Variants in PRDM16 observed in about 807,000 individuals in gnomAD.
The protein encoded by PRDM16 is histone-lysine N-methyltransferase PRDM16.
Under a neutral mutation model 110.6 loss-of-function variants are expected in PRDM16, and 23 were observed. The observed-to-expected ratio is 0.21, with a 90% confidence interval of 0.15 to 0.29. The LOEUF is 0.29. Ranked by LOEUF, PRDM16 falls within the 10% of genes least tolerant of loss-of-function variation. The probability of loss-of-function intolerance (pLI) is 1.00; values close to 1 mark genes in which losing one functional copy is unlikely to be tolerated. For synonymous variants in PRDM16, 799 were observed against 781.8 expected (o/e 1.02, Z -0.37); for missense variants, 1,615 against 1,794.3 (o/e 0.90, Z 1.81).
At chr1:3,154,754 G>A (rs1334694745) in intron 1 of PRDM16, among the ~76,000 whole-genome samples, 1 of 152,214 alleles carries the variant, frequency 6.6e-6, no homozygotes, top group Non-Finnish European at 1.5e-5. Flanking sequence ...TGACCCCCAG[G>A]CCGTTCTCAC....
At chr1:3,181,384 ACGGCCTTACGCATGGTCTTACACACG>A (rs1557508940) in intron 1 of PRDM16, among the ~76,000 whole-genome samples, 3 of 14,694 alleles carry the variant, frequency 2.0e-4, no homozygotes, top group Admixed American at 1.1e-3. Flanking sequence ...AGTCTTACAC[ACGGCCTTACGCATGGTCTTACACACG>A]CAGTCTTACA....
At chr1:3,388,726 T>C (rs1332258492) in intron 4 of PRDM16, among the ~76,000 whole-genome samples, 1 of 152,170 alleles carries the variant, frequency 6.6e-6, no homozygotes, top group Non-Finnish European at 1.5e-5. Flanking sequence ...AAGCAAACTC[T>C]GGGGCCTGGC....
In PRDM16 at chr1:3,433,985, T is replaced by A; in HGVS notation, c.*174T>A. 1.5e-6 allele frequency: 1 copy of A among 668,032 alleles called. No individual in the cohort carries two copies. The highest frequency in any genetic ancestry group is 2.5e-6 in the Non-Finnish European group (1 of 400,498). 41.4% of individuals were successfully genotyped at this position (668,032 alleles called of 1,614,324 possible). A position where few individuals can be genotyped will look rare whatever the true frequency, so the allele number is the denominator to read the frequency against. On this transcript the variant is annotated 3_prime_UTR_variant, in exon 17 of 17. Coordinates refer to ENST00000270722, the MANE Select transcript of PRDM16 (RefSeq NM_022114.4). Reference sequence around the variant, plus strand: ...TGGAAACTCAGATCCCAAAAGTCCCTAAAGCAGTCGTAGAGTCTCACCATC... The same window carrying A: ...TGGAAACTCAGATCCCAAAAGTCCCAAAAGCAGTCGTAGAGTCTCACCATC...
intron 1 of PRDM16, among the ~76,000 whole-genome samples, chr1:3,158,478 A>G (rs1643874365): frequency 6.6e-6 from 1 of 152,208 alleles, no homozygotes; most frequent in African/African-American, 2.4e-5. Context: ...TTTCTCGCCT[A>G]TACCTAAGTC....
At chr1:3,423,068 G>A (rs1184472889) in intron 12 of PRDM16, among the ~76,000 whole-genome samples, 2 of 152,236 alleles carry the variant, frequency 1.3e-5, no homozygotes, top group Non-Finnish European at 2.9e-5. Context: ...CTCCGGCAAA[G>A]GTTGGAAGGT....
At chr1:3,413,824 G>A (rs909281397) in intron 9 of PRDM16, among the ~76,000 whole-genome samples, 2 of 152,314 alleles carry the variant, frequency 1.3e-5, no homozygotes, top group East Asian at 1.9e-4. Context: ...CCCTGCCCAC[G>A]GCCTCTGTTT....
chr1:3,266,540 G>A (rs1294347247), intron 3 of PRDM16, among the ~76,000 whole-genome samples: 2 of 152,274 alleles, frequency 1.3e-5, no homozygotes, highest in South Asian at 4.2e-4. Flanking sequence ...CTCCTCCGAC[G>A]AGGAGAGGGC....
intron 2 of PRDM16, among the ~76,000 whole-genome samples, chr1:3,234,624 G>A (rs561848124): frequency 7.9e-4 from 121 of 152,324 alleles, no homozygotes; most frequent in African/African-American, 2.7e-3. Flanking sequence ...CTGGATGGCC[G>A]GGCCCCACCG....
chr1:3,248,899 G>A (rs561448901), intron 3 of PRDM16, among the ~76,000 whole-genome samples: 8 of 152,350 alleles, frequency 5.3e-5, no homozygotes, highest in South Asian at 4.1e-4. Context: ...GGTCCCTCCC[G>A]TGGGGACTGG....
rs1429244338 is a variant in PRDM16 at position 3,359,423 on chromosome 1, A to G, written c.439-25729A>G. Among the ~76,000 whole-genome samples the G allele has an allele frequency of 6.6e-6, 1 of 152,116 alleles. No individual in the cohort carries two copies. The highest frequency in any genetic ancestry group is 1.5e-5 in the Non-Finnish European group (1 of 68,034). On this transcript the variant is annotated intron_variant, in intron 3 of 16. Transcript: ENST00000270722. This position sits in a 1 kb window ranked among gnomAD's most constrained non-coding sequence, Gnocchi z 4.3. ...TCCAGAGACCCTGCACATGGAACAC[A>G]TTGGAAGCCCTTGTCGGGTGCCACC...
At chr1:3,205,378 A>G (rs572353666) in intron 2 of PRDM16, among the ~76,000 whole-genome samples, 4 of 152,294 alleles carry the variant, frequency 2.6e-5, no homozygotes, top group African/African-American at 9.6e-5. Flanking sequence ...CCGAGATGTA[A>G]GATGTGCCTG....
At chr1:3,107,689 A>C (rs79434823) in intron 1 of PRDM16, among the ~76,000 whole-genome samples, 3,690 of 152,126 alleles carry the variant, frequency 0.024, 222 homozygotes, top group East Asian at 0.22. Flanking sequence ...TGTCCTCCTC[A>C]CTGGACCAGT....
At chr1:3,401,229 C>A (rs1453360135) in intron 5 of PRDM16, among the ~76,000 whole-genome samples, 1 of 152,218 alleles carries the variant, frequency 6.6e-6, no homozygotes, top group African/African-American at 2.4e-5. Flanking sequence ...TTCCTTAGGA[C>A]TCTAAAAGGC....
chr1:3,200,504 G>A (rs901848122), intron 2 of PRDM16, among the ~76,000 whole-genome samples: 2 of 152,086 alleles, frequency 1.3e-5, no homozygotes, highest in Admixed American at 1.3e-4. Flanking sequence ...CACCACGCCT[G>A]GCTAATTTTT....
chr1:3,207,372 A>G (rs1419878476), intron 2 of PRDM16: 2 of 152,230 alleles, frequency 1.3e-5, no homozygotes, highest in Admixed American at 6.5e-5. Context: ...ATGGCAGAGA[A>G]GTGAAGTTTT....
At chr1:3,181,087 G>A (rs929610189) in intron 1 of PRDM16, among the ~76,000 whole-genome samples, 3 of 70,378 alleles carry the variant, frequency 4.3e-5, no homozygotes, top group South Asian at 7.8e-4. Flanking sequence ...CTTACACACG[G>A]CCTTACACAC....
Position 3,385,111 on chromosome 1 carries a change from A to G in PRDM16, c.439-41A>G, listed in dbSNP as rs2282197. The G allele has an allele frequency of 5.1e-4, 817 of 1,609,406 alleles. 9 individuals are homozygous for G. The East Asian group carries it at 0.017, about 33-fold the overall frequency. ...AGAGGCTGTGTGCAGACTCCAGCACACAGGGCACCTCTGACTCCCGCTTCG... is the reference window on the plus strand; with the variant it reads ...AGAGGCTGTGTGCAGACTCCAGCACGCAGGGCACCTCTGACTCCCGCTTCG... On this transcript the variant is annotated intron_variant, in intron 3 of 16. Transcript: ENST00000270722.
intron 4 of PRDM16, among the ~76,000 whole-genome samples, chr1:3,395,283 A>G (rs564380112): frequency 3.9e-4 from 59 of 152,206 alleles, no homozygotes; most frequent in African/African-American, 1.4e-3. Flanking sequence ...GGTGCTGGAG[A>G]GCCTGGCCTG....
chr1:3,328,152 G>A (rs1045422436), intron 3 of PRDM16, among the ~76,000 whole-genome samples: 1 of 152,226 alleles, frequency 6.6e-6, no homozygotes, highest in African/African-American at 2.4e-5. Context: ...AGCCAGGCCT[G>A]CGAGAAGCTC....
Sources: allele counts gnomAD v4.1 joint callset (sites outside exome capture counted in the v4.1 genomes callset), GRCh38; gene constraint gnomAD v4.1.1; non-coding constraint Gnocchi (gnomAD v3.1); transcripts MANE v1.5; gene names NCBI Gene and HGNC (gene_info 2026-07-23, HGNC 2026-07-21).